The following CRHR1 variants were observed in gnomAD, a reference collection of about 807,000 sequenced individuals.
The protein encoded by CRHR1 is corticotropin releasing hormone receptor 1, also known as corticotropin-releasing hormone receptor 1.
Under a neutral mutation model 56.0 loss-of-function variants are expected in CRHR1, and 28 were observed. The observed-to-expected ratio is 0.50, with a 90% CI of 0.37 to 0.69. The LOEUF is 0.69. CRHR1 is among the 30% of genes least tolerant of loss of function. The pLI, the probability that CRHR1 is intolerant of heterozygous loss-of-function variation, is 0.00. For synonymous variants in CRHR1, 195 were observed against 216.5 expected (o/e 0.90, Z 0.87); for missense variants, 376 against 548.0 (o/e 0.69, Z 3.13).
rs1268910217 is a variant in CRHR1 at position 45,833,699 on chromosome 17, C to T, written c.930-15C>T. ...TGGGCTGTGACTCCGAGCCTCCCCA[C>T]CCGCCCCACCCCAGGAAGGCTGTGA... On this transcript the variant is annotated splice_polypyrimidine_tract_variant and intron_variant, in intron 10 of 12. Transcript: ENST00000314537. The T allele has an allele frequency of 5.6e-6, 4 of 717,164 alleles. No individual in the cohort carries two copies. Among genetic ancestry groups the T allele is most frequent in the Admixed American group, 1.9e-5 (1 of 52,942 alleles). 44.4% of individuals were successfully genotyped at this position (717,164 alleles called of 1,614,324 possible).
At chr17:45,834,548 T>C (rs2062393854) in intron 12 of CRHR1, 76 bp from the exon 13 acceptor site, 3 of 1,519,296 alleles carry the variant, frequency 2.0e-6, no homozygotes, top group Non-Finnish European at 1.8e-6. Flanking sequence ...CCTGCACAGC[T>C]GCTCGTGGCG....
rs146560303 is a variant in CRHR1 at position 45,830,008 on chromosome 17, A to T, written c.435-86A>T. On this transcript the variant is annotated intron_variant, in intron 5 of 12. Transcript: ENST00000314537. ...CCTGTGCCTCAGTTTCCTCATCTAC[A>T]CATCTGGGCTGGGGTGATGGAGGTG... The T allele has an allele frequency of 4.9e-5, 78 of 1,580,604 alleles. No homozygotes were observed. The East Asian group carries it at 1.7e-3, about 34-fold the overall frequency.
intron 4 of CRHR1, among the ~76,000 whole-genome samples, chr17:45,823,460 T>C (rs1313905185): frequency 7.2e-6 from 1 of 138,258 alleles, no homozygotes; most frequent in Non-Finnish European, 1.5e-5. Flanking sequence ...CAGGCTGGAG[T>C]GCTGTGGCGC....
At position 45,833,226 on chromosome 17, in the gene CRHR1, G is replaced by C. The variant is rs2062357380; in HGVS notation, c.843+16G>C. ...GGTCCTGCTGGTAAGAACCTGGGTA[G>C]GGGCAGGAGACAGGGCCCAGTGGGG... On this transcript the variant is annotated intron_variant, in intron 9 of 12. Transcript: ENST00000314537. The C allele has an allele frequency of 6.2e-7, 1 of 1,613,154 alleles. No homozygotes were observed. Among genetic ancestry groups the C allele is most frequent in the South Asian group, 1.1e-5 (1 of 91,054 alleles).
At chr17:45,795,293 C>T (rs1243268081) in intron 1 of CRHR1, among the ~76,000 whole-genome samples, 4 of 152,198 alleles carry the variant, frequency 2.6e-5, no homozygotes. Flanking sequence ...TCCCAAGGTC[C>T]ACTCTACAGC....
At chr17:45,821,315 G>A (rs1340067942) in intron 3 of CRHR1, 40 bp from the exon 4 acceptor site, 4 of 1,587,420 alleles carry the variant, frequency 2.5e-6, no homozygotes, top group African/African-American at 2.7e-5. Context: ...GCAGGGGCCG[G>A]GGCTGCCCCG....
chr17:45,830,861 C>T lies in CRHR1; in HGVS notation c.710-19C>T. 1 of 1,612,518 alleles carries T rather than the reference C, an allele frequency of 6.2e-7. No homozygotes were observed. The highest frequency in any genetic ancestry group is 1.6e-4 in the Middle Eastern group (1 of 6,080). On this transcript the variant is annotated intron_variant, in intron 7 of 12. Coordinates refer to ENST00000314537, the MANE Select transcript of CRHR1 (RefSeq NM_004382.5). The stretch of plus-strand genomic sequence containing the variant: ...CCAGCCCCCGCTGAGGGCTCTGTGA[C>T]AGCCCATCTCTCCCCCAGGTGTGCC...
chr17:45,810,636 G>C (rs1406058977), intron 2 of CRHR1, among the ~76,000 whole-genome samples: 1 of 152,160 alleles, frequency 6.6e-6, no homozygotes, highest in Non-Finnish European at 1.5e-5. Context: ...ACCCACACTA[G>C]GTTTGCACAC....
intron 1 of CRHR1, among the ~76,000 whole-genome samples, chr17:45,789,470 C>G (rs1487371252): frequency 6.6e-6 from 1 of 151,924 alleles, no homozygotes; most frequent in African/African-American, 2.4e-5. Flanking sequence ...CTTGTGGGCT[C>G]AAGTGATCCT....
At chr17:45,822,224 A>G (rs1350703464) in intron 4 of CRHR1, among the ~76,000 whole-genome samples, 1 of 152,230 alleles carries the variant, frequency 6.6e-6, no homozygotes, top group East Asian at 1.9e-4. Flanking sequence ...CATTTGCATA[A>G]TATCACAAAA....
chr17:45,797,049 C>T (rs1236448671), intron 1 of CRHR1, among the ~76,000 whole-genome samples: 1 of 152,232 alleles, frequency 6.6e-6, no homozygotes, highest in Non-Finnish European at 1.5e-5. Context: ...AAATCCATAT[C>T]ATTGACCTGG....
At position 45,820,906 on chromosome 17, in the gene CRHR1, C is replaced by T. The variant is rs919074812; in HGVS notation, c.242-449C>T. 2.6e-5 allele frequency among the ~76,000 whole-genome samples: 4 copies of T among 152,214 alleles called. No homozygotes were observed. The East Asian group carries it at 5.8e-4, about 22-fold the overall frequency. On this transcript the variant is annotated intron_variant, in intron 3 of 12. Coordinates refer to ENST00000314537, the MANE Select transcript of CRHR1 (RefSeq NM_004382.5). ...TGCCACCTGCCACGCGAGCTGTCACCGCATACCCTTCCACCGTGTCATGCC... is the reference window on the plus strand; with the variant it reads ...TGCCACCTGCCACGCGAGCTGTCACTGCATACCCTTCCACCGTGTCATGCC...
Position 45,784,401 on chromosome 17 carries a change from C to T in CRHR1, c.-144C>T. ...GGCCGGGCCGCGGGGCCGGGAAGCG[C>T]CGAGCCGGGCATCTCCTCACCAGGC... On this transcript the variant is annotated 5_prime_UTR_variant, in exon 1 of 13. Transcript: ENST00000314537. This position sits in a 1 kb window ranked among gnomAD's most constrained non-coding sequence, Gnocchi z 4.2. 1.7e-6 allele frequency: 1 copy of T among 583,450 alleles called. No individual in the cohort carries two copies. Among genetic ancestry groups the T allele is most frequent in the Non-Finnish European group, 2.5e-6 (1 of 395,942 alleles). The allele number at this position is 583,450 out of a possible 1,614,324, so 36.1% of individuals were successfully genotyped here.
chr17:45,803,094 G>A (rs576571228), intron 1 of CRHR1, among the ~76,000 whole-genome samples: 15 of 152,262 alleles, frequency 9.9e-5, no homozygotes, highest in Non-Finnish European at 2.2e-4. Flanking sequence ...CTAAGCAGAC[G>A]GGCCCTGGAA....
intron 1 of CRHR1, among the ~76,000 whole-genome samples, chr17:45,792,130 T>C (rs1434799515): frequency 6.6e-6 from 1 of 152,012 alleles, no homozygotes; most frequent in Non-Finnish European, 1.5e-5. Context: ...CCGGCATCCC[T>C]CAGCTGCCCG....
chr17:45,816,676 A>G, intron 3 of CRHR1, 94 bp downstream of exon 3: 1 of 1,574,350 alleles, frequency 6.4e-7, no homozygotes, highest in South Asian at 1.2e-5. Context: ...CGATGACAAT[A>G]ACAGTAATAC....
At chr17:45,821,467 C>A in intron 4 of CRHR1, 27 bp downstream of exon 4, 1 of 1,601,820 alleles carries the variant, frequency 6.2e-7, no homozygotes, top group Non-Finnish European at 8.5e-7. Context: ...CAAGGCTGCC[C>A]ATATGGAGGG....
At position 45,830,458 on chromosome 17, in the gene CRHR1, T is replaced by C. The variant is rs779287406; in HGVS notation, c.597T>C (p.His199=). 3.3e-5 allele frequency: 54 copies of C among 1,613,464 alleles called. 1 individual carries two copies. Among genetic ancestry groups the C allele is most frequent in the African/African-American group, 4.0e-5 (3 of 74,900 alleles). The change falls in exon 7 of 13, where the codon CAT becomes CAC. Residue 199 remains histidine, a synonymous_variant. Transcript: ENST00000314537. ...TGACAGCCGCCTACAACTACTTCCA[T>C]GTGACCAACTTCTTCTGGATGTTCG... ...RLVTAAYNYF[H]VTNFFWMFGE... is the part of the protein sequence containing the mutation.
intron 1 of CRHR1, among the ~76,000 whole-genome samples, chr17:45,786,479 C>T (rs1049379136): frequency 3.9e-5 from 6 of 152,108 alleles, no homozygotes; most frequent in African/African-American, 1.4e-4. Flanking sequence ...GTCATTTAGT[C>T]CTCCTAACAG....
Sources: gnomAD v4.1 joint callset for allele counts (sites outside exome capture counted in the v4.1 genomes callset) on GRCh38, gnomAD v4.1.1 for gene constraint, Gnocchi (gnomAD v3.1) non-coding constraint, MANE v1.5 for transcripts, NCBI Gene and HGNC (gene_info 2026-07-23, HGNC 2026-07-21) for gene names.